The following ABCC11 variants were observed in gnomAD, a reference collection of about 807,000 sequenced individuals.
ABCC11 encodes the protein ATP-binding cassette sub-family C member 11.
ABCC11 carries 135 observed loss-of-function variants against 149.3 expected under a neutral mutation model. The ratio of observed to expected loss-of-function variants is 0.90; its 90% CI spans 0.79 to 1.04. The LOEUF is 1.04. Among genes scored for constraint, ABCC11 ranks in the 50% least tolerant of loss-of-function variants. ABCC11 has a pLI of 0.00. For missense variants in ABCC11, 1,680 were observed against 1,722.1 expected, an observed-to-expected ratio of 0.98 and a Z score of 0.43; for synonymous variants, 665 against 671.4, an observed-to-expected ratio of 0.99 and a Z score of 0.15.
chr16:48,186,236 C>T (rs758769040), intron 22 of ABCC11, among the ~76,000 whole-genome samples: 1 of 152,208 alleles, frequency 6.6e-6, no homozygotes, highest in Non-Finnish European at 1.5e-5. Flanking sequence ...ACCCAGGCTT[C>T]AAGGCCAGCT....
In ABCC11 at chr16:48,215,352, C is replaced by A. The variant is rs758195626; in HGVS notation, c.952-8G>T. ...CATTCTTGTCATGAATACCTGGAGT[C>A]AGGATACAGCAAGTTTGGAGTTGAT... On this transcript the variant is annotated splice_polypyrimidine_tract_variant and splice_region_variant and intron_variant, in intron 7 of 29. Transcript: ENST00000356608. 1.2e-6 allele frequency: 2 copies of A among 1,610,750 alleles called. No homozygotes were observed. Among genetic ancestry groups the A allele is most frequent in the Non-Finnish European group, 1.7e-6 (2 of 1,177,500 alleles).
chr16:48,231,858 C>A lies in ABCC11; in HGVS notation c.64G>T (p.Asp22Tyr). The A allele has an allele frequency of 6.2e-7, 1 of 1,614,114 alleles. No homozygotes were observed. The highest frequency in any genetic ancestry group is 1.1e-5 in the South Asian group (1 of 91,066). Residue 22 changes from aspartate (D) to tyrosine (Y), a missense_variant, in exon 2 of 30, where the codon GAC (aspartate) becomes TAC (tyrosine). Asp to Tyr is a radical substitution (Grantham distance 160). Transcript: ENST00000356608. Reference protein sequence around the residue: ...SSGGLVNRGIDIGDDMVSGLI... With the variant: ...SSGGLVNRGIYIGDDMVSGLI... ...CCTGAAACCATGTCATCGCCTATGT[C>A]GATGCCACGATTCACGAGGCCACCA...
chr16:48,200,867 T>C (rs972462468), intron 14 of ABCC11, among the ~76,000 whole-genome samples: 4 of 152,228 alleles, frequency 2.6e-5, no homozygotes, highest in African/African-American at 9.6e-5. Flanking sequence ...TATTGTATAT[T>C]TCAGCAGAGC....
In ABCC11 at chr16:48,215,317, C is replaced by T. The variant is rs763172242; in HGVS notation, c.979G>A (p.Ala327Thr). 6.2e-7 allele frequency: 1 copy of T among 1,613,914 alleles called. No homozygotes were observed. Among genetic ancestry groups the T allele is most frequent in the Admixed American group, 1.7e-5 (1 of 60,010 alleles). ...AVFMTRMAVKAQHHTSEVSDQ... is the reference protein window; with the variant it reads ...AVFMTRMAVKTQHHTSEVSDQ... ...CTGACCTCAGATGTGTGATGCTGAG[C>T]CTTCACAGCCATTCTTGTCATGAAT... Residue 327 changes from alanine (A) to threonine (T), a missense_variant, in exon 8 of 30, where the codon GCT becomes ACT. Transcript: ENST00000356608.
chr16:48,228,106 T>G (rs7359477), intron 3 of ABCC11, 142 bp from the exon 4 acceptor site: 7 of 822,840 alleles, frequency 8.5e-6, no homozygotes, highest in Non-Finnish European at 1.3e-5. Flanking sequence ...AAGTTGAAAA[T>G]CATAAACAAC....
At chr16:48,169,034 G>A (rs1221822127) in intron 28 of ABCC11, among the ~76,000 whole-genome samples, 1 of 152,160 alleles carries the variant, frequency 6.6e-6, no homozygotes, top group Non-Finnish European at 1.5e-5. Context: ...TTCTGCACAT[G>A]TATCCCAGAA....
chr16:48,192,534 T>C lies in ABCC11; in HGVS notation c.2692A>G (p.Lys898Glu), dbSNP rs755014116. 4.3e-6 allele frequency: 7 copies of C among 1,614,190 alleles called. No individual in the cohort carries two copies. Among genetic ancestry groups the C allele is most frequent in the Non-Finnish European group, 5.9e-6 (7 of 1,180,016 alleles). ...TRKASTALHN[K>E]LFNKVFRCPM... ...CAGGCCCATACCTTGTTGAAGAGCTTGTTGTGCAGGGCCGTGGATGCCTTC... is the reference window on the plus strand; with the variant it reads ...CAGGCCCATACCTTGTTGAAGAGCTCGTTGTGCAGGGCCGTGGATGCCTTC... Residue 898 changes from lysine (K) to glutamate (E), a missense_variant, in exon 20 of 30, where the codon AAG becomes GAG. Physicochemically the swap from Lys to Glu is moderately conservative, Grantham distance 56 (BLOSUM62 1). Transcript: ENST00000356608.
chr16:48,184,261 C>T (rs1966619085), intron 23 of ABCC11, among the ~76,000 whole-genome samples, 179 bp downstream of exon 23: 1 of 152,204 alleles, frequency 6.6e-6, no homozygotes, highest in African/African-American at 2.4e-5. Flanking sequence ...TCAGAGCTGA[C>T]CACAAGGAAA....
At chr16:48,180,811 G>A (rs1244996737) in intron 23 of ABCC11, among the ~76,000 whole-genome samples, 1 of 152,182 alleles carries the variant, frequency 6.6e-6, no homozygotes, top group Non-Finnish European at 1.5e-5. Flanking sequence ...CATTACTCTG[G>A]TGAGAGTGTG....
chr16:48,203,738 C>T (rs929147098), intron 13 of ABCC11, among the ~76,000 whole-genome samples: 8 of 152,202 alleles, frequency 5.3e-5, no homozygotes, highest in African/African-American at 9.6e-5. Context: ...CGTGCTGGTG[C>T]GTGCCTGTAG....
intron 3 of ABCC11, 40 bp from the exon 4 acceptor site, chr16:48,228,004 C>T: frequency 6.5e-7 from 1 of 1,541,804 alleles, no homozygotes; most frequent in Non-Finnish European, 8.8e-7. Flanking sequence ...AATTCAGGAT[C>T]AAGATTTTGC....
intron 1 of ABCC11, among the ~76,000 whole-genome samples, chr16:48,237,641 G>A (rs8058396): frequency 0.13 from 19,904 of 152,018 alleles, 1,618 homozygotes; most frequent in African/African-American, 0.23. Context: ...CATGGCTTCC[G>A]TCAGGTTTAG....
chr16:48,242,343 G>C (rs1036887321), intron 1 of ABCC11, among the ~76,000 whole-genome samples: 20 of 152,120 alleles, frequency 1.3e-4, no homozygotes, highest in African/African-American at 4.6e-4. Context: ...AAACCACAAT[G>C]AGATACCATC....
At chr16:48,244,493 G>A (rs368558019) in intron 1 of ABCC11, 16 of 1,599,006 alleles carry the variant, frequency 1.0e-5, no homozygotes, top group Non-Finnish European at 1.1e-5. Context: ...GCGTGGACTC[G>A]GCCCGCAACC....
intron 1 of ABCC11, among the ~76,000 whole-genome samples, chr16:48,243,044 C>G (rs1172980247): frequency 1.3e-5 from 2 of 148,876 alleles, no homozygotes; most frequent in Non-Finnish European, 3.0e-5. Context: ...AGAACTTAAA[C>G]TATAATAAAA....
chr16:48,179,369 C>A (rs1389756433), intron 23 of ABCC11, among the ~76,000 whole-genome samples: 1 of 152,202 alleles, frequency 6.6e-6, no homozygotes, highest in East Asian at 1.9e-4. Flanking sequence ...GATAAGGAAA[C>A]TGAGGCGCCA....
intron 13 of ABCC11, among the ~76,000 whole-genome samples, chr16:48,204,525 C>T (rs1010656709): frequency 1.3e-5 from 2 of 152,108 alleles, no homozygotes; most frequent in South Asian, 2.1e-4. Flanking sequence ...TCTGGCTTCC[C>T]GGGGTGCAAG....
intron 23 of ABCC11, among the ~76,000 whole-genome samples, chr16:48,182,916 GATA>G (rs1370315238): frequency 6.6e-6 from 1 of 152,184 alleles, no homozygotes; most frequent in Non-Finnish European, 1.5e-5. Flanking sequence ...GTAAAAGGGA[GATA>G]ATAAAAGTTT....
At chr16:48,192,355 G>A (rs1382933585) in intron 20 of ABCC11, among the ~76,000 whole-genome samples, 165 bp downstream of exon 20, 1 of 152,138 alleles carries the variant, frequency 6.6e-6, no homozygotes, top group African/African-American at 2.4e-5. Flanking sequence ...GAGGCAGGAG[G>A]ATCACTTCAG....
Sources: allele counts gnomAD v4.1 joint callset (sites outside exome capture counted in the v4.1 genomes callset), GRCh38; gene constraint gnomAD v4.1.1; transcripts MANE v1.5; gene names NCBI Gene and HGNC (gene_info 2026-07-23, HGNC 2026-07-21).